KLHDC4: variants seen among roughly 807,000 people sequenced by gnomAD.
The protein encoded by KLHDC4 is kelch domain-containing protein 4.
Under a neutral mutation model 62.4 loss-of-function variants are expected in KLHDC4, and 90 were observed. The ratio of observed to expected loss-of-function variants is 1.44; its 90% CI spans 1.22 to 1.72. The LOEUF is 1.72. Ranked by LOEUF, KLHDC4 falls within the 40% of genes most tolerant of loss-of-function variation. KLHDC4 has a pLI of 0.00. For synonymous variants in KLHDC4, 386 were observed against 284.4 expected, an observed-to-expected ratio of 1.36 and a Z score of -3.59; for missense variants, 1,025 against 699.7, an observed-to-expected ratio of 1.47 and a Z score of -5.25.
At chr16:87,755,490 C>A (rs2044732410) in intron 3 of KLHDC4, 198 bp from the exon 4 acceptor site, 3 of 458,914 alleles carry the variant, frequency 6.5e-6, no homozygotes, top group Non-Finnish European at 1.2e-5. Context: ...GAACGCCCAC[C>A]AGGCCCATCA....
intron 8 of KLHDC4, 69 bp from the exon 9 acceptor site, chr16:87,711,512 G>A (rs1408754144): frequency 1.8e-5 from 24 of 1,362,210 alleles, no homozygotes; most frequent in African/African-American, 8.7e-5. Flanking sequence ...CCCAGGACAC[G>A]CTCAGGACCC....
chr16:87,738,548 G>A (rs1227524015), intron 5 of KLHDC4, among the ~76,000 whole-genome samples: 1 of 151,620 alleles, frequency 6.6e-6, no homozygotes, highest in African/African-American at 2.4e-5. Flanking sequence ...CCACACACCA[G>A]CACCTCATCC....
At chr16:87,754,004 G>A (rs1041205351) in intron 4 of KLHDC4, among the ~76,000 whole-genome samples, 3 of 151,464 alleles carry the variant, frequency 2.0e-5, no homozygotes, top group African/African-American at 4.9e-5. Flanking sequence ...GCCGGACGTG[G>A]TGGCATGTGC....
intron 4 of KLHDC4, 85 bp downstream of exon 4, chr16:87,755,109 G>T: frequency 2.2e-6 from 2 of 895,684 alleles, no homozygotes; most frequent in South Asian, 2.9e-5. Flanking sequence ...CGCACCAGCT[G>T]CCTGTCACCT....
chr16:87,708,562 A>G (rs2142903774), intron 10 of KLHDC4, 96 bp from the exon 11 acceptor site: 2 of 782,068 alleles, frequency 2.6e-6, no homozygotes, highest in South Asian at 2.9e-5. Context: ...GGGGGATTCC[A>G]TTTTCTTAAG....
At chr16:87,761,368 G>C (rs1167206957) in intron 2 of KLHDC4, among the ~76,000 whole-genome samples, 3 of 152,136 alleles carry the variant, frequency 2.0e-5, no homozygotes, top group South Asian at 4.2e-4. Context: ...CTTCCACTAG[G>C]GCCTGCAGCA....
intron 2 of KLHDC4, 79 bp downstream of exon 2, chr16:87,761,870 A>C (rs918500202): frequency 5.8e-6 from 8 of 1,368,304 alleles, no homozygotes; most frequent in Non-Finnish European, 8.3e-6. Context: ...TCATTTACGA[A>C]ACCTGGTGCT....
intron 5 of KLHDC4, among the ~76,000 whole-genome samples, chr16:87,732,550 C>T (rs1288958447): frequency 6.6e-6 from 1 of 152,124 alleles, no homozygotes; most frequent in Admixed American, 6.5e-5. Flanking sequence ...AAAATACACA[C>T]AAATAATACA....
chr16:87,762,628 C>T (rs2046055659), intron 1 of KLHDC4, among the ~76,000 whole-genome samples: 1 of 152,228 alleles, frequency 6.6e-6, no homozygotes, highest in South Asian at 2.1e-4. Context: ...TAAAACACTG[C>T]CTGCACAGCA....
rs533319838 is a variant in KLHDC4, at chr16:87,708,057, G to A, written c.*20C>T. On this transcript the variant is annotated 3_prime_UTR_variant, in exon 12 of 12. Transcript: ENST00000270583. ...GACGTGGGCACAGCACTTGCCAGGCGCCCCTGGCAGGGGCTCTTCTGATAC... is the reference window on the plus strand; with the variant it reads ...GACGTGGGCACAGCACTTGCCAGGCACCCCTGGCAGGGGCTCTTCTGATAC... 3.9e-4 allele frequency: 212 copies of A among 545,240 alleles called. 1 individual carries two copies. Among genetic ancestry groups the A allele is most frequent in the African/African-American group, 9.4e-4 (50 of 53,454 alleles). The allele number at this position is 545,240 out of a possible 1,614,324, so 33.8% of individuals were successfully genotyped here.
Position 87,711,440 on chromosome 16 carries a change from T to C in KLHDC4, c.839A>G (p.Lys280Arg). ...LLKPEDGRED[K>R]WVWTRMNPSG... ...AGGGTTCATCCGAGTCCAAACCCAC[T>C]TGTCTGTCAAAAGAGAACAAGGAAG... is the stretch of plus-strand genomic sequence containing the variant. The change falls in exon 9 of 12, where the codon AAG becomes AGG. Residue 280 changes from lysine (K) to arginine (R), a missense_variant. Physicochemically the swap from Lys to Arg is conservative, Grantham distance 26 (BLOSUM62 2). Transcript: ENST00000270583. 6.2e-7 allele frequency: 1 copy of C among 1,608,274 alleles called. No individual in the cohort carries two copies. Among genetic ancestry groups the C allele is most frequent in the Non-Finnish European group, 8.5e-7 (1 of 1,178,352 alleles).
chr16:87,765,941 G>T lies in KLHDC4; in HGVS notation c.-51C>A, dbSNP rs373425883. 3 of 1,516,882 alleles carry T rather than the reference G, an allele frequency of 2.0e-6. No individual in the cohort carries two copies. Among genetic ancestry groups the T allele is most frequent in the East Asian group, 2.5e-5 (1 of 40,690 alleles). The allele number at this position is 1,516,882 out of a possible 1,614,324, so 94.0% of individuals were successfully genotyped here. On this transcript the variant is annotated 5_prime_UTR_variant, in exon 1 of 12. Transcript: ENST00000270583. ...GACACCAGGAAAGAAAACGGCCCGC[G>T]CTCTCCGCTCGGAAACAGGTGCTCG...
At chr16:87,744,699 C>T (rs1306204428) in intron 5 of KLHDC4, among the ~76,000 whole-genome samples, 1 of 152,082 alleles carries the variant, frequency 6.6e-6, no homozygotes, top group Non-Finnish European at 1.5e-5. Context: ...TCAAAATATA[C>T]CATAAAGCTA....
intron 5 of KLHDC4, among the ~76,000 whole-genome samples, chr16:87,735,134 C>T (rs1256545385): frequency 6.6e-6 from 1 of 151,358 alleles, no homozygotes; most frequent in Admixed American, 6.6e-5. Flanking sequence ...CCCGTCTCTA[C>T]TAAAAATACA....
chr16:87,750,675 T>C (rs945680689), intron 4 of KLHDC4, among the ~76,000 whole-genome samples: 1 of 152,162 alleles, frequency 6.6e-6, no homozygotes, highest in Non-Finnish European at 1.5e-5. Context: ...GCAGGCTCCC[T>C]CCCGGCACCT....
intron 8 of KLHDC4, 118 bp from the exon 9 acceptor site, chr16:87,711,561 A>G: frequency 2.5e-6 from 2 of 804,580 alleles, no homozygotes; most frequent in Non-Finnish European, 3.8e-6. Flanking sequence ...AAACCGTGAG[A>G]CTGTGGGCAA....
intron 6 of KLHDC4, among the ~76,000 whole-genome samples, chr16:87,727,874 C>G (rs540296054): frequency 2.6e-5 from 4 of 152,140 alleles, no homozygotes; most frequent in Admixed American, 6.5e-5. Context: ...TACCCAGCAC[C>G]AGCTGCCACA....
intron 2 of KLHDC4, among the ~76,000 whole-genome samples, 159 bp from the exon 3 acceptor site, chr16:87,756,636 G>C (rs1245882473): frequency 6.8e-6 from 1 of 146,458 alleles, no homozygotes; most frequent in Non-Finnish European, 1.5e-5. Context: ...GGTGCCACTT[G>C]AACACCAACC....
At chr16:87,762,674 T>A (rs1341856407) in intron 1 of KLHDC4, among the ~76,000 whole-genome samples, 1 of 152,208 alleles carries the variant, frequency 6.6e-6, no homozygotes, top group Non-Finnish European at 1.5e-5. Context: ...TCTATCCAAG[T>A]AAGAAGGTCT....
Sources: allele counts gnomAD v4.1 joint callset (sites outside exome capture counted in the v4.1 genomes callset), GRCh38; gene constraint gnomAD v4.1.1; transcripts MANE v1.5; gene names NCBI Gene and HGNC (gene_info 2026-07-23, HGNC 2026-07-21).